KCNJ6: variants seen among roughly 807,000 people sequenced by gnomAD.
KCNJ6 encodes the protein potassium inwardly rectifying channel subfamily J member 6, also known as G protein-activated inward rectifier potassium channel 2.
A neutral mutation model predicts 34.2 loss-of-function variants in KCNJ6; 9 were observed. The ratio of observed to expected loss-of-function variants is 0.26; its 90% CI spans 0.16 to 0.46. The LOEUF is 0.46. Among genes scored for constraint, KCNJ6 ranks in the 20% least tolerant of loss-of-function variants. The pLI, the probability that KCNJ6 is intolerant of heterozygous loss-of-function variation, is 1.00. For missense variants in KCNJ6, 236 were observed against 531.3 expected, an observed-to-expected ratio of 0.44 and a Z score of 5.46; for synonymous variants, 196 against 207.1, an observed-to-expected ratio of 0.95 and a Z score of 0.46.
At chr21:37,868,772 CA>C (rs1302274208) in intron 1 of KCNJ6, among the ~76,000 whole-genome samples, 33 of 152,204 alleles carry the variant, frequency 2.2e-4, no homozygotes, top group Non-Finnish European at 4.1e-4. Context: ...AAAGGGCTCT[CA>C]CAACGGGCAG....
intron 1 of KCNJ6, among the ~76,000 whole-genome samples, chr21:37,872,745 A>C (rs1279495281): frequency 6.6e-6 from 1 of 152,168 alleles, no homozygotes; most frequent in Admixed American, 6.5e-5. Flanking sequence ...TCCCCACCCG[A>C]ATCTCATCTT....
At chr21:37,643,326 A>G (rs1351667735) in intron 3 of KCNJ6, among the ~76,000 whole-genome samples, 1 of 152,192 alleles carries the variant, frequency 6.6e-6, no homozygotes, top group East Asian at 1.9e-4. Flanking sequence ...TGAAACCAGG[A>G]GCTCAGGGAA....
At chr21:37,627,313 C>T (rs1240346679) in intron 3 of KCNJ6, among the ~76,000 whole-genome samples, 1 of 152,128 alleles carries the variant, frequency 6.6e-6, no homozygotes, top group Non-Finnish European at 1.5e-5. Flanking sequence ...ACAGAAGCCC[C>T]GCCTTTATGC....
chr21:37,757,517 T>C (rs62224369), intron 2 of KCNJ6, among the ~76,000 whole-genome samples: 109,137 of 109,614 alleles, frequency 1, 54,347 homozygotes, highest in Non-Finnish European at 1. Flanking sequence ...TCCCTCACAG[T>C]GTGATGATTC....
intron 1 of KCNJ6, among the ~76,000 whole-genome samples, chr21:37,896,452 T>C (rs2055788529): frequency 6.6e-6 from 1 of 152,198 alleles, no homozygotes; most frequent in African/African-American, 2.4e-5. Context: ...ACCAGGCTGA[T>C]GTGGGGCTGA....
chr21:37,660,587 T>C (rs1280730913), intron 3 of KCNJ6, among the ~76,000 whole-genome samples: 1 of 152,212 alleles, frequency 6.6e-6, no homozygotes, highest in Non-Finnish European at 1.5e-5. Context: ...CAAAGACTTG[T>C]AGACGATGGT....
chr21:37,908,180 T>C (rs1199743348), intron 1 of KCNJ6, among the ~76,000 whole-genome samples: 1 of 152,230 alleles, frequency 6.6e-6, no homozygotes, highest in Non-Finnish European at 1.5e-5. Flanking sequence ...GTATTATGGA[T>C]CACCACTCTG....
chr21:37,798,924 T>A (rs2055256176), intron 2 of KCNJ6, among the ~76,000 whole-genome samples: 1 of 152,188 alleles, frequency 6.6e-6, no homozygotes, highest in African/African-American at 2.4e-5. Flanking sequence ...TCAATAAGGA[T>A]TTTAACTTTT....
rs2054244727 is a variant in KCNJ6, at chr21:37,612,122, C to A, written c.*13037G>T. 6.6e-6 allele frequency: 1 copy of A among 152,060 alleles called. No individual in the cohort carries two copies. Among genetic ancestry groups the A allele is most frequent in the Admixed American group, 6.5e-5 (1 of 15,268 alleles). 9.4% of individuals were successfully genotyped at this position (152,060 alleles called of 1,614,324 possible). Reference sequence around the variant, plus strand: ...GACCAAAAAACAAAACAAAAACAAGCCCCAGAACCTTCCTGGAACTAATAA... The same window carrying A: ...GACCAAAAAACAAAACAAAAACAAGACCCAGAACCTTCCTGGAACTAATAA... On this transcript the variant is annotated 3_prime_UTR_variant, in exon 4 of 4. Transcript: ENST00000609713.
chr21:37,866,307 A>G (rs762147), intron 1 of KCNJ6, among the ~76,000 whole-genome samples: 114,318 of 152,122 alleles, frequency 0.75, 43,210 homozygotes, highest in East Asian at 0.91. Flanking sequence ...CTCTTACTGT[A>G]TATCACTTCC....
chr21:37,783,574 T>C (rs920255648), intron 2 of KCNJ6, among the ~76,000 whole-genome samples: 11 of 152,210 alleles, frequency 7.2e-5, no homozygotes, highest in Non-Finnish European at 1.2e-4. Context: ...TCGGGTATGT[T>C]TTTGTCAGCA....
chr21:37,626,161 C>T (rs534401050), intron 3 of KCNJ6, among the ~76,000 whole-genome samples: 8 of 148,220 alleles, frequency 5.4e-5, no homozygotes, highest in South Asian at 2.1e-4. Flanking sequence ...GATGGAGTCT[C>T]GCTGTGTCGC....
chr21:37,663,417 C>A (rs2054499018), intron 3 of KCNJ6, among the ~76,000 whole-genome samples: 1 of 151,502 alleles, frequency 6.6e-6, no homozygotes, highest in Non-Finnish European at 1.5e-5. Flanking sequence ...TGTCTTAGAG[C>A]ACTCAGCTAA....
chr21:37,731,330 T>C (rs1000747304), intron 2 of KCNJ6, among the ~76,000 whole-genome samples: 1 of 151,986 alleles, frequency 6.6e-6, no homozygotes, highest in Non-Finnish European at 1.5e-5. Context: ...GGGATAAGGC[T>C]AATAGAGAAA....
In KCNJ6 at chr21:37,668,901, GC is replaced by G. The variant is rs2054529408; in HGVS notation, c.947-43418del. On this transcript the variant is annotated intron_variant, in intron 3 of 3. Transcript: ENST00000609713. ...ACTTTGAAATGGTGCTGCAAAGCTG[GC>G]TTTCGTGATGCAAAATTTGCATCTG... is the stretch of plus-strand genomic sequence containing the variant. 2.0e-5 allele frequency among the ~76,000 whole-genome samples: 3 copies of G among 152,168 alleles called. No homozygotes were observed. In the South Asian group the frequency reaches 6.2e-4, roughly 31 times the overall value.
At chr21:37,834,894 G>A (rs886370884) in intron 2 of KCNJ6, among the ~76,000 whole-genome samples, 36 of 151,110 alleles carry the variant, frequency 2.4e-4, no homozygotes, top group African/African-American at 8.5e-4. Context: ...TCAGCCCCTG[G>A]AGCTACTCAG....
At chr21:37,794,004 C>T (rs2055229508) in intron 2 of KCNJ6, among the ~76,000 whole-genome samples, 1 of 152,332 alleles carries the variant, frequency 6.6e-6, no homozygotes, top group Non-Finnish European at 1.5e-5. Context: ...CAATACCTCA[C>T]AGTAAGAAAT....
intron 2 of KCNJ6, among the ~76,000 whole-genome samples, chr21:37,809,423 C>T (rs1054600717): frequency 3.3e-5 from 5 of 151,756 alleles, no homozygotes; most frequent in Admixed American, 6.6e-5. Context: ...ATACCTAATG[C>T]TAAATGACGA....
At chr21:37,731,185 CCTCA>C (rs1342173477) in intron 2 of KCNJ6, among the ~76,000 whole-genome samples, 1 of 151,876 alleles carries the variant, frequency 6.6e-6, no homozygotes, top group Non-Finnish European at 1.5e-5. Flanking sequence ...AAGAATCTTG[CCTCA>C]CTCCTGTGTT....
Sources: allele counts gnomAD v4.1 joint callset (sites outside exome capture counted in the v4.1 genomes callset), GRCh38; gene constraint gnomAD v4.1.1; transcripts MANE v1.5; gene names NCBI Gene and HGNC (gene_info 2026-07-23, HGNC 2026-07-21).